The following ASTN1 variants were observed in gnomAD, a reference collection of about 807,000 sequenced individuals.
ASTN1 encodes astrotactin-1.
In ASTN1, 41 loss-of-function variants were observed where a neutral mutation model predicts 140.7. The observed-to-expected ratio is 0.29, with a 90% CI of 0.23 to 0.38. ASTN1 has a LOEUF of 0.38. Ranked by LOEUF, ASTN1 falls within the 10% of genes least tolerant of loss-of-function variation. The pLI is 1.00. For synonymous variants in ASTN1, 640 were observed against 652.2 expected (o/e 0.98, Z 0.29); for missense variants, 1,479 against 1,678.8 (o/e 0.88, Z 2.08).
At chr1:177,048,851 C>G (rs1420949004) in intron 2 of ASTN1, among the ~76,000 whole-genome samples, 1 of 152,184 alleles carries the variant, frequency 6.6e-6, no homozygotes, top group Non-Finnish European at 1.5e-5. Context: ...ATTCACAGAC[C>G]AAAGGCACCT....
At position 177,003,275 on chromosome 1, in the gene ASTN1, TA is replaced by T. The variant is rs11414408; in HGVS notation, c.1523+11515del. Among the ~76,000 whole-genome samples, 879 of 146,714 alleles carry T rather than the reference TA, an allele frequency of 6.0e-3. 10 individuals carry two copies. Among genetic ancestry groups the T allele is most frequent in the African/African-American group, 0.019 (741 of 39,920 alleles). On this transcript the variant is annotated intron_variant, in intron 8 of 22. Coordinates refer to ENST00000361833, the MANE Select transcript of ASTN1 (RefSeq NM_004319.3). ...TAGCAAACCAAATCCAACAACACAT[TA>T]AAAAAAAAAAATCACCATAGTCGAA...
At chr1:177,135,094 T>C (rs1352720389) in intron 1 of ASTN1, among the ~76,000 whole-genome samples, 1 of 152,032 alleles carries the variant, frequency 6.6e-6, no homozygotes, top group East Asian at 1.9e-4. Flanking sequence ...GAGGGGCAGG[T>C]GGATGTGCTT....
At chr1:176,860,703 T>C (rs1264649594), downstream of ASTN1, among the ~76,000 whole-genome samples, 1 of 152,202 alleles carries the variant, frequency 6.6e-6, no homozygotes, top group East Asian at 1.9e-4. Flanking sequence ...TCCTCACCCT[T>C]GTGGTGACAA....
At chr1:177,031,016 G>C in intron 3 of ASTN1, 64 bp from the exon 4 acceptor site, 1 of 1,531,984 alleles carries the variant, frequency 6.5e-7, no homozygotes, top group Non-Finnish European at 8.9e-7. Context: ...GGAGAAGAAG[G>C]AAATCTGCAT....
chr1:176,885,646 G>C (rs897777826), intron 18 of ASTN1, among the ~76,000 whole-genome samples: 1 of 152,036 alleles, frequency 6.6e-6, no homozygotes, highest in African/African-American at 2.4e-5. Flanking sequence ...AAGGATCACT[G>C]TGCAAGGTAC....
Position 176,862,089 on chromosome 1 carries a change from C to T in ASTN1, c.*2195G>A. 2 of 985,414 alleles carry T rather than the reference C, an allele frequency of 2.0e-6. No homozygotes were observed. The highest frequency in any genetic ancestry group is 2.4e-6 in the Non-Finnish European group (2 of 829,940). The allele number at this position is 985,414 out of a possible 1,614,324, so 61.0% of individuals were successfully genotyped here. A position where few individuals can be genotyped will look rare whatever the true frequency, so the allele number is the denominator to read the frequency against. On this transcript the variant is annotated 3_prime_UTR_variant, in exon 23 of 23. Transcript: ENST00000361833. ...TAGCAGCAAAGAGATGCTCTGGGCC[C>T]TGTCTGATTGGCCTGTCACATCTTC...
At chr1:176,952,564 G>C (rs749489566) in intron 11 of ASTN1, among the ~76,000 whole-genome samples, 13 of 151,914 alleles carry the variant, frequency 8.6e-5, no homozygotes, top group Admixed American at 2.0e-4. Flanking sequence ...CATTCTTTAA[G>C]GAGTTTCCTA....
chr1:176,921,158 G>A (rs1217308819), intron 16 of ASTN1, among the ~76,000 whole-genome samples: 1 of 152,154 alleles, frequency 6.6e-6, no homozygotes, highest in Non-Finnish European at 1.5e-5. Flanking sequence ...TTCAAAAAAT[G>A]AGTTACTTAC....
At chr1:176,976,084 G>T (rs532877076) in intron 8 of ASTN1, 4 of 152,280 alleles carry the variant, frequency 2.6e-5, no homozygotes, top group South Asian at 2.1e-4. Context: ...GATGAATTAA[G>T]ATATCCCAAA....
intron 8 of ASTN1, among the ~76,000 whole-genome samples, chr1:176,970,077 C>T (rs947327315): frequency 1.1e-4 from 16 of 152,366 alleles, no homozygotes; most frequent in African/African-American, 3.8e-4. Flanking sequence ...CTGTCTCACA[C>T]AATACCCACA....
chr1:177,027,051 A>C (rs1319485640), intron 5 of ASTN1, among the ~76,000 whole-genome samples: 1 of 152,212 alleles, frequency 6.6e-6, no homozygotes, highest in Non-Finnish European at 1.5e-5. Context: ...GCTCTATTCT[A>C]GTAAACATTT....
At chr1:176,859,004 A>G (rs1306332188), downstream of ASTN1, among the ~76,000 whole-genome samples, 8 of 152,248 alleles carry the variant, frequency 5.3e-5, no homozygotes, top group Non-Finnish European at 1.2e-4. Flanking sequence ...TCAGACTTGC[A>G]ATGAAGATTG....
intron 16 of ASTN1, among the ~76,000 whole-genome samples, chr1:176,919,387 A>C (rs1188844127): frequency 2.0e-5 from 3 of 152,240 alleles, no homozygotes; most frequent in African/African-American, 7.2e-5. Flanking sequence ...ACACGTGCTC[A>C]ATACAGATCC....
In ASTN1 at chr1:177,158,358, AT is replaced by A. The variant is rs576130275; in HGVS notation, c.283+6035del. On this transcript the variant is annotated intron_variant, in intron 1 of 22. Transcript: ENST00000361833. ...CCATGTAACAAAAGCTATTGAAATA[AT>A]TTTTTTAAAGTAATTAATTTTTAAG... Among the ~76,000 whole-genome samples the A allele has an allele frequency of 5.3e-5, 8 of 152,288 alleles. No homozygotes were observed. The South Asian group carries it at 6.2e-4, about 12-fold the overall frequency.
At chr1:176,876,204 C>T (rs1455972272) in intron 21 of ASTN1, among the ~76,000 whole-genome samples, 1 of 152,050 alleles carries the variant, frequency 6.6e-6, no homozygotes, top group African/African-American at 2.4e-5. Flanking sequence ...AGTGAGTGAC[C>T]CTATCAGTAT....
At chr1:177,131,284 T>C (rs536616802) in intron 1 of ASTN1, among the ~76,000 whole-genome samples, 76 of 152,250 alleles carry the variant, frequency 5.0e-4, no homozygotes, top group South Asian at 2.7e-3. Context: ...CCCAAGAAAA[T>C]AATCAGAAAT....
At chr1:176,920,971 A>C (rs1380595824) in intron 16 of ASTN1, among the ~76,000 whole-genome samples, 2 of 152,234 alleles carry the variant, frequency 1.3e-5, no homozygotes, top group African/African-American at 2.4e-5. Context: ...GACAAAGTTT[A>C]TCTGGAAATT....
At chr1:176,989,581 G>A (rs912640091) in intron 8 of ASTN1, among the ~76,000 whole-genome samples, 21 of 152,032 alleles carry the variant, frequency 1.4e-4, no homozygotes, top group African/African-American at 5.1e-4. Context: ...AAGAGTATGT[G>A]GGGCTCCCTT....
At chr1:176,888,049 A>G in intron 18 of ASTN1, 22 bp downstream of exon 18, 1 of 1,613,808 alleles carries the variant, frequency 6.2e-7, no homozygotes, top group Non-Finnish European at 8.5e-7. Context: ...AGTAATGCTG[A>G]AAGAGAGAAA....
Sources: allele counts gnomAD v4.1 joint callset (sites outside exome capture counted in the v4.1 genomes callset), GRCh38; gene constraint gnomAD v4.1.1; transcripts MANE v1.5; gene names NCBI Gene and HGNC (gene_info 2026-07-23, HGNC 2026-07-21).